The following ACOT12 variants were observed in gnomAD, a reference collection of about 807,000 sequenced individuals.
The protein encoded by ACOT12 is acyl-CoA thioesterase 12.
A neutral mutation model predicts 67.7 loss-of-function variants in ACOT12; 51 were observed. That is an observed-to-expected ratio of 0.75 (90% CI 0.60 to 0.95). The LOEUF (loss-of-function observed/expected upper bound fraction) is 0.95. Ranked by LOEUF, ACOT12 falls within the 40% of genes least tolerant of loss-of-function variation. The pLI is 0.00. For synonymous variants in ACOT12, 251 were observed against 244.6 expected, an observed-to-expected ratio of 1.03 and a Z score of -0.24; for missense variants, 734 against 708.1, an observed-to-expected ratio of 1.04 and a Z score of -0.41.
intron 2 of ACOT12, among the ~76,000 whole-genome samples, chr5:81,380,525 T>TCGCAC (rs1208236478): frequency 5.9e-5 from 7 of 118,944 alleles, no homozygotes; most frequent in African/African-American, 3.7e-4. Context: ...GATCGTGCCA[T>TCGCAC]TGCACTTCAG....
At chr5:81,318,245 T>G in the ACOT12 span, among the ~76,000 whole-genome samples, 22 of 152,332 alleles carry the variant, frequency 1.4e-4, no homozygotes, top group African/African-American at 5.3e-4. Flanking sequence ...ACATCATGTT[T>G]TGCATGTGGA....
intron 11 of ACOT12, among the ~76,000 whole-genome samples, chr5:81,340,316 T>C (rs984853561): frequency 9.9e-5 from 15 of 151,652 alleles, no homozygotes; most frequent in Non-Finnish European, 1.8e-4. Context: ...GGATTACAGG[T>C]GTGAGCCACT....
chr5:81,352,115 G>T (rs1181248607), intron 5 of ACOT12, among the ~76,000 whole-genome samples: 2 of 152,182 alleles, frequency 1.3e-5, no homozygotes, highest in African/African-American at 4.8e-5. Context: ...ACCAGTGCTG[G>T]TAAGGATGTG....
At chr5:81,383,660 G>T (rs1248758158) in intron 2 of ACOT12, among the ~76,000 whole-genome samples, 1 of 151,950 alleles carries the variant, frequency 6.6e-6, no homozygotes, top group Non-Finnish European at 1.5e-5. Context: ...AGTGATACTG[G>T]TGATCCTGAC....
chr5:81,316,452 A>G, the ACOT12 span, among the ~76,000 whole-genome samples: 4 of 152,226 alleles, frequency 2.6e-5, no homozygotes, highest in Admixed American at 1.3e-4. Context: ...TGATGTTTTC[A>G]AGATTCATCC....
chr5:81,360,046 A>G lies in ACOT12; in HGVS notation c.361-8T>C. The G allele has an allele frequency of 6.3e-7, 1 of 1,593,008 alleles. No individual in the cohort carries two copies. ...GACTGGTTTTAAATGAATCTAGAGA[A>G]AGAAAAGCATTTATCTTTTATTGCC... On this transcript the variant is annotated splice_region_variant and splice_polypyrimidine_tract_variant and intron_variant, in intron 4 of 14. Coordinates refer to ENST00000307624, the MANE Select transcript of ACOT12 (RefSeq NM_130767.3).
the ACOT12 span, among the ~76,000 whole-genome samples, chr5:81,320,898 A>G: frequency 6.6e-6 from 1 of 152,182 alleles, no homozygotes; most frequent in Non-Finnish European, 1.5e-5. Context: ...GGAGACTAAA[A>G]AGTCCAAGAT....
At chr5:81,377,898 A>G (rs1435848271) in intron 2 of ACOT12, among the ~76,000 whole-genome samples, 1 of 152,218 alleles carries the variant, frequency 6.6e-6, no homozygotes, top group Non-Finnish European at 1.5e-5. Context: ...TATCATGAAA[A>G]TGGCCATACT....
chr5:81,332,815 A>T (rs1014041518), intron 12 of ACOT12, among the ~76,000 whole-genome samples: 1 of 152,074 alleles, frequency 6.6e-6, no homozygotes, highest in African/African-American at 2.4e-5. Flanking sequence ...TGCAATCCTA[A>T]CACCTTGGGA....
At chr5:81,341,767 TG>T (rs1759199958) in intron 11 of ACOT12, among the ~76,000 whole-genome samples, 1 of 152,166 alleles carries the variant, frequency 6.6e-6, no homozygotes, top group Admixed American at 6.5e-5. Flanking sequence ...ATCCAAATGA[TG>T]TATGTCTCTT....
intron 12 of ACOT12, among the ~76,000 whole-genome samples, chr5:81,334,440 C>A (rs953680973): frequency 7.2e-5 from 11 of 152,214 alleles, no homozygotes; most frequent in African/African-American, 2.7e-4. Flanking sequence ...TAAGCGTCTG[C>A]ATGATCCCTC....
At position 81,335,840 on chromosome 5, in the gene ACOT12, C is replaced by T. The variant is rs1383915336; in HGVS notation, c.1190G>A (p.Gly397Glu). 2 of 1,614,088 alleles carry T rather than the reference C, an allele frequency of 1.2e-6. No individual in the cohort carries two copies. The highest frequency in any genetic ancestry group is 4.5e-5 in the East Asian group (2 of 44,884). Reference protein sequence around the residue: ...VLSVWVEKHVGSPAHLAYRLL... With the variant: ...VLSVWVEKHVESPAHLAYRLL... ...ACGATAAGCCAAATGTGCTGGACTT[C>T]CCACGTGCTTTTCAACCCAAACAGA... The change falls in exon 12 of 15, where the codon GGA (glycine) becomes GAA (glutamate). Residue 397 changes from glycine to glutamate, a missense_variant. Transcript: ENST00000307624.
rs182307926 is a variant in ACOT12 at position 81,375,200 on chromosome 5, G to T, written c.198-3390C>A. On this transcript the variant is annotated intron_variant, in intron 2 of 14. Coordinates refer to ENST00000307624, the MANE Select transcript of ACOT12 (RefSeq NM_130767.3). ...GCGGCCAATATTCAACATTCTTAAA[G>T]AAAAGAATTTTCAACCCGGAATTTC... 5.9e-5 allele frequency among the ~76,000 whole-genome samples: 9 copies of T among 152,340 alleles called. No individual in the cohort carries two copies. In the East Asian group the frequency reaches 1.7e-3, roughly 29 times the overall value.
chr5:81,363,143 C>T (rs1477680751), intron 4 of ACOT12, among the ~76,000 whole-genome samples: 2 of 151,938 alleles, frequency 1.3e-5, no homozygotes, highest in Non-Finnish European at 2.9e-5. Context: ...TAAATGGGAC[C>T]CTCCTCCAGG....
intron 3 of ACOT12, among the ~76,000 whole-genome samples, chr5:81,369,302 T>C (rs2153855883): frequency 6.6e-6 from 1 of 152,150 alleles, no homozygotes; most frequent in East Asian, 1.9e-4. Context: ...TGGAAGTAGG[T>C]TTGGCACAGA....
chr5:81,358,823 T>C (rs1759806569), intron 5 of ACOT12, among the ~76,000 whole-genome samples: 1 of 151,106 alleles, frequency 6.6e-6, no homozygotes, highest in Non-Finnish European at 1.5e-5. Context: ...CACTCCAGCC[T>C]GGGCAACAAG....
chr5:81,332,751 G>A, intron 12 of ACOT12, 146 bp from the exon 13 acceptor site: 2 of 942,054 alleles, frequency 2.1e-6, no homozygotes, highest in Non-Finnish European at 3.1e-6. Flanking sequence ...CAGCATTATT[G>A]CTCAAGTCTG....
At chr5:81,387,613 G>A in intron 1 of ACOT12, among the ~76,000 whole-genome samples, 1 of 149,274 alleles carries the variant, frequency 6.7e-6, no homozygotes, top group East Asian at 2.0e-4. Context: ...GCTCACTCCA[G>A]CGTCGAACTC....
At chr5:81,347,699 G>A in intron 6 of ACOT12, 75 bp downstream of exon 6, 4 of 1,515,342 alleles carry the variant, frequency 2.6e-6, no homozygotes, top group South Asian at 1.3e-5. Context: ...ACTATCCCAA[G>A]AACTGGATCT....
Sources: gnomAD v4.1 joint callset for allele counts (sites outside exome capture counted in the v4.1 genomes callset) on GRCh38, gnomAD v4.1.1 for gene constraint, MANE v1.5 for transcripts, NCBI Gene and HGNC (gene_info 2026-07-23, HGNC 2026-07-21) for gene names.